Variants in CHTOP observed in about 807,000 individuals in gnomAD.
CHTOP encodes the protein chromatin target of PRMT1 protein.
A neutral mutation model predicts 33.6 loss-of-function variants in CHTOP; 18 were observed. That is an observed-to-expected ratio of 0.54 (90% CI 0.37 to 0.80). The LOEUF (loss-of-function observed/expected upper bound fraction) is 0.80, where lower values mean the gene tolerates loss of function less well. Ranked by LOEUF, CHTOP falls within the 30% of genes least tolerant of loss-of-function variation. The pLI is 0.00. For synonymous variants in CHTOP, 117 were observed against 127.7 expected, an observed-to-expected ratio of 0.92 and a Z score of 0.56; for missense variants, 263 against 336.8, an observed-to-expected ratio of 0.78 and a Z score of 1.71.
At position 153,634,310 on chromosome 1, in the gene CHTOP, G is replaced by C. The variant is rs532428041; in HGVS notation, c.-51G>C. ...CCCGCCTGCCGGAGCCGTGGTGGCA[G>C]CCCCGGGAGGAGCACTGGCGTCTGT... On this transcript the variant is annotated 5_prime_UTR_variant, in exon 1 of 6. Transcript: ENST00000368694. 51 of 153,060 alleles carry C rather than the reference G, an allele frequency of 3.3e-4. No individual in the cohort carries two copies. Among genetic ancestry groups the C allele is most frequent in the African/African-American group, 1.2e-3 (48 of 41,598 alleles). 9.5% of individuals were successfully genotyped at this position (153,060 alleles called of 1,614,324 possible). A position where few individuals can be genotyped will look rare whatever the true frequency, so the allele number is the denominator to read the frequency against.
intron 1 of CHTOP, among the ~76,000 whole-genome samples, chr1:153,634,865 T>TGG (rs5777875): frequency 6.1e-5 from 9 of 146,446 alleles, no homozygotes; most frequent in African/African-American, 2.3e-4. Flanking sequence ...TATTTTTTTT[T>TGG]GGGGGGGGAC....
chr1:153,642,585 T>G, intron 4 of CHTOP, 156 bp downstream of exon 4: 1 of 553,532 alleles, frequency 1.8e-6, no homozygotes, highest in Non-Finnish European at 3.0e-6. Flanking sequence ...TGCATGTCTT[T>G]TATCAATACC....
rs796757747 is a variant in CHTOP at position 153,639,801 on chromosome 1, GTTTGT to G, written c.219+1358_219+1362del. Among the ~76,000 whole-genome samples the G allele has an allele frequency of 5.2e-3, 791 of 152,176 alleles. 11 individuals are homozygous for G. Among genetic ancestry groups the G allele is most frequent in the African/African-American group, 0.018 (754 of 41,496 alleles). On this transcript the variant is annotated intron_variant, in intron 3 of 5. Transcript: ENST00000368694. The stretch of plus-strand genomic sequence containing the variant: ...TATGTTTTTGGTTTGGTTTGGTTTG[GTTTGT>G]TTTGAGACGGAGTCTTGCTCTGTCA...
In CHTOP at chr1:153,638,322, G is replaced by T. The variant is rs2101685237; in HGVS notation, c.93G>T (p.Gln31His). The change falls in exon 3 of 6, where the codon CAG becomes CAT. Residue 31 changes from glutamine (Q) to histidine (H), a missense_variant. Physicochemically the swap from Gln to His is conservative, Grantham distance 24. Transcript: ENST00000368694. ...TTACTAATATGCTGAAGAACAAACA[G>T]CCGACGCCAGTGAATATTCGGGCTT... ...ERFTNMLKNKQPTPVNIRASM... is the reference protein window; with the variant it reads ...ERFTNMLKNKHPTPVNIRASM... The T allele has an allele frequency of 6.2e-7, 1 of 1,614,238 alleles. No individual in the cohort carries two copies. Among genetic ancestry groups the T allele is most frequent in the Non-Finnish European group, 8.5e-7 (1 of 1,180,042 alleles).
At position 153,638,372 on chromosome 1, in the gene CHTOP, C is replaced by T; in HGVS notation, c.143C>T (p.Ala48Val). 2 of 1,614,206 alleles carry T rather than the reference C, an allele frequency of 1.2e-6. No individual in the cohort carries two copies. The highest frequency in any genetic ancestry group is 1.7e-6 in the Non-Finnish European group (2 of 1,180,006). ...RASMQQQQQLASARNRRLAQQ... is the reference protein window; with the variant it reads ...RASMQQQQQLVSARNRRLAQQ... ...TCGATGCAGCAACAACAGCAGCTAGCCAGTGCCAGAAACAGAAGACTGGCC... is the reference window on the plus strand; with the variant it reads ...TCGATGCAGCAACAACAGCAGCTAGTCAGTGCCAGAAACAGAAGACTGGCC... The change falls in exon 3 of 6, where the codon GCC becomes GTC. Residue 48 changes from alanine to valine, a missense_variant. Physicochemically the swap from Ala to Val is moderately conservative, Grantham distance 64. Around this residue, in one of 3 missense-constraint regions of CHTOP, gnomAD observed 73 missense variants for 108.9 expected, o/e 0.67. Coordinates refer to ENST00000368694, the MANE Select transcript of CHTOP (RefSeq NM_015607.4).
At chr1:153,635,166 T>G (rs947517950) in intron 1 of CHTOP, among the ~76,000 whole-genome samples, 1 of 151,366 alleles carries the variant, frequency 6.6e-6, no homozygotes, top group African/African-American at 2.4e-5. Context: ...GTATTTTCAC[T>G]GTAGATCAGT....
chr1:153,645,287 A>G lies in CHTOP; in HGVS notation c.*18A>G, dbSNP rs1485002601. On this transcript the variant is annotated 3_prime_UTR_variant, in exon 6 of 6. Transcript: ENST00000368694. ...ATGATTGAAGCCTGCCCATCCTCCC[A>G]TGAGAGACTCTTGTTAGTCAACACA... 4 of 1,612,288 alleles carry G rather than the reference A, an allele frequency of 2.5e-6. No individual in the cohort carries two copies.
Position 153,645,070 on chromosome 1 carries a change from G to C in CHTOP, c.548G>C (p.Gly183Ala), listed in dbSNP as rs750862817. The C allele has an allele frequency of 1.9e-6, 3 of 1,579,852 alleles. No individual in the cohort carries two copies. Among genetic ancestry groups the C allele is most frequent in the East Asian group, 2.3e-5 (1 of 42,992 alleles). The change falls in exon 6 of 6, where the codon GGT becomes GCT. Residue 183 changes from glycine (G) to alanine (A), a missense_variant. This residue lies in a region of CHTOP where 168 missense variants were observed against 179.9 expected (regional missense o/e 0.93). Coordinates refer to ENST00000368694, the MANE Select transcript of CHTOP (RefSeq NM_015607.4). Reference sequence around the variant, plus strand: ...TTTTTCCCCTTTGGGCCAGGTCGGGGTATGATAGGTCGGGGAAGAGGGGGC... The same window carrying C: ...TTTTTCCCCTTTGGGCCAGGTCGGGCTATGATAGGTCGGGGAAGAGGGGGC... The part of the protein sequence containing the change: ...GRGGIGGRGR[G>A]MIGRGRGGFG...
intron 3 of CHTOP, among the ~76,000 whole-genome samples, chr1:153,640,146 T>C (rs1344311689): frequency 6.6e-6 from 1 of 152,220 alleles, no homozygotes; most frequent in Non-Finnish European, 1.5e-5. Flanking sequence ...CATGTGGCTA[T>C]TGAAAACTTT....
At chr1:153,636,532 A>G in intron 1 of CHTOP, 40 bp from the exon 2 acceptor site, 1 of 1,521,348 alleles carries the variant, frequency 6.6e-7, no homozygotes, top group Non-Finnish European at 9.1e-7. Context: ...AAATGATGTC[A>G]CTATTGTGAT....
chr1:153,634,137 G>A lies in CHTOP; in HGVS notation c.-224G>A, dbSNP rs1571309321. The A allele has an allele frequency of 6.5e-6, 1 of 153,104 alleles. No homozygotes were observed. The highest frequency in any genetic ancestry group is 1.9e-4 in the East Asian group (1 of 5,198). 9.5% of individuals were successfully genotyped at this position (153,104 alleles called of 1,614,324 possible). ...TGCAGACGAAAGGCAGGAAAGGGCA[G>A]GCCGGGTGAGCAGACGGATCGGCCG... is the stretch of plus-strand genomic sequence containing the variant. On this transcript the variant is annotated 5_prime_UTR_variant, in exon 1 of 6. Transcript: ENST00000368694.
intron 3 of CHTOP, 104 bp downstream of exon 3, chr1:153,638,552 CA>C: frequency 2.3e-6 from 3 of 1,326,388 alleles, no homozygotes; most frequent in Non-Finnish European, 3.2e-6. Flanking sequence ...TGGCTCAGGG[CA>C]AAAAGCTGAA....
rs775379205 is a variant in CHTOP at position 153,645,060 on chromosome 1, C to T, written c.542-4C>T. Reference sequence around the variant, plus strand: ...TTTTTTTTTTTTTTTCCCCTTTGGGCCAGGTCGGGGTATGATAGGTCGGGG... The same window carrying T: ...TTTTTTTTTTTTTTTCCCCTTTGGGTCAGGTCGGGGTATGATAGGTCGGGG... On this transcript the variant is annotated splice_polypyrimidine_tract_variant and splice_region_variant and intron_variant, in intron 5 of 5. Coordinates refer to ENST00000368694, the MANE Select transcript of CHTOP (RefSeq NM_015607.4). 1.9e-5 allele frequency: 30 copies of T among 1,600,428 alleles called. No homozygotes were observed. Among genetic ancestry groups the T allele is most frequent in the Non-Finnish European group, 2.4e-5 (28 of 1,175,616 alleles).
Position 153,636,567 on chromosome 1 carries a change from T to C in CHTOP, c.-17-5T>C. On this transcript the variant is annotated splice_region_variant and splice_polypyrimidine_tract_variant and intron_variant, in intron 1 of 5. Coordinates refer to ENST00000368694, the MANE Select transcript of CHTOP (RefSeq NM_015607.4). ...TTTGCTCATTTTACGTATTGTTCTT[T>C]GTAGATTCTCGGGATTCGAAGATGG... is the stretch of plus-strand genomic sequence containing the variant. 6.2e-7 allele frequency: 1 copy of C among 1,610,578 alleles called. No homozygotes were observed. The highest frequency in any genetic ancestry group is 8.5e-7 in the Non-Finnish European group (1 of 1,177,036).
At chr1:153,637,085 G>T (rs1034632144) in intron 2 of CHTOP, 1 of 156,688 alleles carries the variant, frequency 6.4e-6, no homozygotes, top group African/African-American at 2.4e-5. Context: ...CTTGGGCCTT[G>T]TAAGAGGCAC....
chr1:153,639,026 G>A (rs191812626), intron 3 of CHTOP, among the ~76,000 whole-genome samples: 1,656 of 152,064 alleles, frequency 0.011, 10 homozygotes, highest in Middle Eastern at 0.017. Flanking sequence ...GACTAAAGGT[G>A]CCCGCCACCA....
chr1:153,638,676 T>C, intron 3 of CHTOP: 1 of 581,662 alleles, frequency 1.7e-6, no homozygotes. Context: ...GGCCTGTTTC[T>C]GTTACCAATG....
intron 2 of CHTOP, 162 bp downstream of exon 2, chr1:153,636,815 G>T (rs904656650): frequency 3.3e-6 from 2 of 603,266 alleles, no homozygotes; most frequent in African/African-American, 3.7e-5. Context: ...CAAATTGGGC[G>T]GTTGTTTCAA....
chr1:153,635,779 G>A (rs933685013), intron 1 of CHTOP, among the ~76,000 whole-genome samples: 2 of 150,932 alleles, frequency 1.3e-5, no homozygotes, highest in Non-Finnish European at 2.9e-5. Context: ...CTGAGATCAC[G>A]CCTCTGCACT....
Sources: gnomAD v4.1 joint callset for allele counts (sites outside exome capture counted in the v4.1 genomes callset) on GRCh38, gnomAD v4.1.1 for gene constraint, gnomAD v4.1.1 regional missense constraint, MANE v1.5 for transcripts, NCBI Gene and HGNC (gene_info 2026-07-23, HGNC 2026-07-21) for gene names.